Variants in UBE2E3 observed in about 807,000 individuals in gnomAD.
The protein encoded by UBE2E3 is ubiquitin-conjugating enzyme E2 E3.
A neutral mutation model predicts 23.6 loss-of-function variants in UBE2E3; 5 were observed. The ratio of observed to expected loss-of-function variants is 0.21; its 90% confidence interval spans 0.11 to 0.44. The LOEUF (loss-of-function observed/expected upper bound fraction) is 0.44. Ranked by LOEUF, UBE2E3 falls within the 20% of genes least tolerant of loss-of-function variation. UBE2E3 has a pLI of 0.99. For missense variants in UBE2E3, 81 were observed against 249.8 expected, an observed-to-expected ratio of 0.32 and a Z score of 4.55; for synonymous variants, 78 against 87.5, an observed-to-expected ratio of 0.89 and a Z score of 0.60.
chr2:181,052,520 C>T (rs2105474846), intron 3 of UBE2E3, among the ~76,000 whole-genome samples: 1 of 151,934 alleles, frequency 6.6e-6, no homozygotes, highest in Non-Finnish European at 1.5e-5. Flanking sequence ...AAGGTATATG[C>T]TCATTGCTTT....
At chr2:181,023,550 T>G (rs1310037893) in intron 3 of UBE2E3, among the ~76,000 whole-genome samples, 1 of 152,188 alleles carries the variant, frequency 6.6e-6, no homozygotes, top group Non-Finnish European at 1.5e-5. Context: ...ATTCGGCCAG[T>G]GTGAGGCATC....
At position 181,057,831 on chromosome 2, in the gene UBE2E3, A is replaced by G; in HGVS notation, c.378+6A>G. ...ATCCATTTAAGCCACCAAAGGTAAG[A>G]AGCTTGAAGTGCATTCTTTAGTATT... is the stretch of plus-strand genomic sequence containing the variant. On this transcript the variant is annotated splice_donor_region_variant and intron_variant, in intron 4 of 5. Transcript: ENST00000410062. The G allele has an allele frequency of 6.2e-7, 1 of 1,610,550 alleles. No individual in the cohort carries two copies. Among genetic ancestry groups the G allele is most frequent in the East Asian group, 2.2e-5 (1 of 44,660 alleles).
At chr2:181,049,818 A>G (rs1686772356) in intron 3 of UBE2E3, among the ~76,000 whole-genome samples, 1 of 152,024 alleles carries the variant, frequency 6.6e-6, no homozygotes, top group Admixed American at 6.6e-5. Context: ...ATGTGTATGT[A>G]TATAGCACGC....
intron 3 of UBE2E3, among the ~76,000 whole-genome samples, chr2:181,030,976 T>C (rs1252967676): frequency 6.6e-6 from 1 of 152,180 alleles, no homozygotes; most frequent in Admixed American, 6.5e-5. Flanking sequence ...ACTATTACGT[T>C]TGTTACCTTT....
intron 3 of UBE2E3, among the ~76,000 whole-genome samples, chr2:180,997,818 TTC>T (rs1684872640): frequency 6.6e-6 from 1 of 152,214 alleles, no homozygotes; most frequent in African/African-American, 2.4e-5. Context: ...GCTTTCATCC[TTC>T]AAGTGGTAGT....
chr2:180,997,268 A>C (rs2105585682), intron 3 of UBE2E3, among the ~76,000 whole-genome samples: 1 of 148,406 alleles, frequency 6.7e-6, no homozygotes, highest in African/African-American at 2.5e-5. Context: ...TTTTCTGTCC[A>C]CTTTTGTGTC....
rs200158863 is a variant in UBE2E3 at position 181,018,360 on chromosome 2, C to CTGTG, written c.245+34275_245+34278dup. On this transcript the variant is annotated intron_variant, in intron 3 of 5. Transcript: ENST00000410062. Reference sequence around the variant, plus strand: ...ACACATGTGTTTAATATTTTTATCTCTGTGTGTGTGTATATATATATATAT... The same window carrying CTGTG: ...ACACATGTGTTTAATATTTTTATCTCTGTGTGTGTGTGTGTATATATATATATAT... 9.0e-4 allele frequency among the ~76,000 whole-genome samples: 129 copies of CTGTG among 142,776 alleles called. 2 individuals are homozygous for CTGTG. The highest frequency in any genetic ancestry group is 3.2e-3 in the African/African-American group (126 of 38,994). The allele number at this position is 142,776 out of a possible 152,430, so 93.7% of individuals were successfully genotyped here. A position where few individuals can be genotyped will look rare whatever the true frequency, so the allele number is the denominator to read the frequency against.
chr2:181,035,127 A>C (rs1686227533), intron 3 of UBE2E3, among the ~76,000 whole-genome samples: 1 of 152,206 alleles, frequency 6.6e-6, no homozygotes, highest in Admixed American at 6.5e-5. Context: ...AAATTAATGT[A>C]CATTACAGCA....
At chr2:181,035,328 A>G (rs1686233734) in intron 3 of UBE2E3, among the ~76,000 whole-genome samples, 1 of 152,000 alleles carries the variant, frequency 6.6e-6, no homozygotes, top group African/African-American at 2.4e-5. Context: ...TCAGCTGCTG[A>G]TTTTTCTTTT....
rs760796812 is a variant in UBE2E3 at position 181,016,807 on chromosome 2, C to CTT, written c.245+32715_245+32716dup. On this transcript the variant is annotated intron_variant, in intron 3 of 5. Transcript: ENST00000410062. The stretch of plus-strand genomic sequence containing the variant: ...AACTGCTTGATAAATAAGAACAAAA[C>CTT]TTAACAAAAAATTGGTATGAAAGTC... 4.7e-4 allele frequency among the ~76,000 whole-genome samples: 71 copies of CTT among 152,252 alleles called. 4 individuals are homozygous for CTT. Among genetic ancestry groups the CTT allele is most frequent in the Non-Finnish European group, 1.3e-4 (9 of 68,004 alleles).
chr2:181,052,162 C>A (rs1392261054), intron 3 of UBE2E3, among the ~76,000 whole-genome samples: 2 of 151,726 alleles, frequency 1.3e-5, no homozygotes, highest in Non-Finnish European at 2.9e-5. Flanking sequence ...ACACCCACAT[C>A]CTATAAGAAA....
At chr2:181,024,437 C>A (rs747930625) in intron 3 of UBE2E3, among the ~76,000 whole-genome samples, 14 of 152,052 alleles carry the variant, frequency 9.2e-5, no homozygotes, top group Admixed American at 2.0e-4. Flanking sequence ...AAACTGAGTT[C>A]CAGTCATCAT....
intron 3 of UBE2E3, among the ~76,000 whole-genome samples, chr2:181,015,955 G>A (rs755384718): frequency 2.6e-4 from 36 of 139,288 alleles, no homozygotes; most frequent in Non-Finnish European, 6.5e-5. Flanking sequence ...GTACCATGGA[G>A]CATGTTAGAG....
chr2:181,054,612 G>T (rs960201209), intron 3 of UBE2E3, among the ~76,000 whole-genome samples: 1 of 151,714 alleles, frequency 6.6e-6, no homozygotes, highest in Non-Finnish European at 1.5e-5. Context: ...ATGGTTCATC[G>T]TATATTTTTG....
intron 3 of UBE2E3, among the ~76,000 whole-genome samples, chr2:181,011,843 T>C (rs978637232): frequency 1.3e-5 from 2 of 152,190 alleles, no homozygotes; most frequent in African/African-American, 2.4e-5. Flanking sequence ...GAGCAAATGA[T>C]AAGGATGGAC....
At chr2:180,998,522 T>A (rs1381704287) in intron 3 of UBE2E3, among the ~76,000 whole-genome samples, 7 of 151,488 alleles carry the variant, frequency 4.6e-5, no homozygotes, top group African/African-American at 1.7e-4. Context: ...GAAGAACAAT[T>A]AAGATCATGT....
At chr2:181,007,668 T>C (rs538322616) in intron 3 of UBE2E3, among the ~76,000 whole-genome samples, 15 of 152,142 alleles carry the variant, frequency 9.9e-5, no homozygotes, top group Non-Finnish European at 2.2e-4. Flanking sequence ...CAATGTATTC[T>C]TTCTGCCAAG....
chr2:181,060,907 A>G (rs1331433209), intron 5 of UBE2E3, 95 bp downstream of exon 5: 1 of 1,116,722 alleles, frequency 9.0e-7, no homozygotes. Flanking sequence ...TTAAATGTAG[A>G]TTGAGAGGTA....
At chr2:181,051,405 G>A (rs953512106) in intron 3 of UBE2E3, among the ~76,000 whole-genome samples, 36 of 151,664 alleles carry the variant, frequency 2.4e-4, no homozygotes, top group Non-Finnish European at 3.4e-4. Context: ...TTAGAACTCA[G>A]GTGTGCTTAC....
Sources: gnomAD v4.1 joint callset for allele counts (sites outside exome capture counted in the v4.1 genomes callset) on GRCh38, gnomAD v4.1.1 for gene constraint, MANE v1.5 for transcripts, NCBI Gene and HGNC (gene_info 2026-07-23, HGNC 2026-07-21) for gene names.